PCDHGA8: variants seen among roughly 807,000 people sequenced by gnomAD.
The protein encoded by PCDHGA8 is protocadherin gamma subfamily A, 8.
PCDHGA8 carries 45 observed loss-of-function variants against 59.2 expected under a neutral mutation model. The observed-to-expected ratio is 0.76, with a 90% CI of 0.60 to 0.98. The LOEUF (loss-of-function observed/expected upper bound fraction) is 0.98, where lower values mean the gene tolerates loss of function less well. Among genes scored for constraint, PCDHGA8 ranks in the 50% least tolerant of loss-of-function variants. The pLI is 0.00. For missense variants in PCDHGA8, 1,257 were observed against 1,196.2 expected, an observed-to-expected ratio of 1.05 and a Z score of -0.75; for synonymous variants, 531 against 519.0, an observed-to-expected ratio of 1.02 and a Z score of -0.32.
Position 141,393,910 on chromosome 5 carries a change from T to C in PCDHGA8, c.1097T>C (p.Ile366Thr). ...GAAAATTCTCTTCCCGGGACAGTAA[T>C]TGCCTTCTTGAGTGTGCATGACCAA... ...VLENSLPGTVIAFLSVHDQDS... is the reference protein window; with the variant it reads ...VLENSLPGTVTAFLSVHDQDS... Residue 366 changes from isoleucine (I) to threonine (T), a missense_variant, in exon 1 of 4, where the codon ATT becomes ACT. Coordinates refer to ENST00000398604, the MANE Select transcript of PCDHGA8 (RefSeq NM_032088.2). 6.2e-7 allele frequency: 1 copy of C among 1,613,998 alleles called. No homozygotes were observed. The highest frequency in any genetic ancestry group is 1.7e-5 in the Admixed American group (1 of 60,024).
rs750164473 is a variant in PCDHGA8 at position 141,432,286 on chromosome 5, C to G, written c.2424+37049C>G. Reference sequence around the variant, plus strand: ...TATCGTCCTACGTGTCCATCAACTCCGACACTGGGGTACTGTATGCGCTGA... The same window carrying G: ...TATCGTCCTACGTGTCCATCAACTCGGACACTGGGGTACTGTATGCGCTGA... On this transcript the variant is annotated intron_variant, in intron 1 of 3. Transcript: ENST00000398604. This position sits in a 1 kb window ranked among gnomAD's most constrained non-coding sequence, Gnocchi z 6.0. The G allele has an allele frequency of 6.2e-7, 1 of 1,614,252 alleles. No homozygotes were observed. The highest frequency in any genetic ancestry group is 1.3e-5 in the African/African-American group (1 of 75,070).
intron 1 of PCDHGA8, chr5:141,441,971 G>A: frequency 3.3e-6 from 1 of 298,820 alleles, no homozygotes; most frequent in Non-Finnish European, 6.5e-6. Flanking sequence ...AGGCTCTTCA[G>A]CCTGGAATGC....
In PCDHGA8 at chr5:141,395,222, AG is replaced by A. The variant is rs2093199234; in HGVS notation, c.2410del (p.Ala804LeufsTer48). The A allele has an allele frequency of 6.2e-7, 1 of 1,611,488 alleles. No individual in the cohort carries two copies. The highest frequency in any genetic ancestry group is 1.3e-5 in the African/African-American group (1 of 74,874). ...SVDFHEYKNE[A>X]DHGQQAPPNT... ...TAGATTTTCATGAATATAAGAATGA[AG>A]CTGATCATGGTCAGGTGAGTTTAGT... On this transcript the variant is annotated frameshift_variant, in exon 1 of 4. Transcript: ENST00000398604. LOFTEE classifies it high-confidence loss of function.
chr5:141,410,155 G>T, intron 1 of PCDHGA8: 1 of 1,612,898 alleles, frequency 6.2e-7, no homozygotes. Context: ...ACGGTGGACA[G>T]CCGCCACTCT....
At chr5:141,415,205 C>A (rs2095843771) in intron 1 of PCDHGA8, 2 of 1,614,040 alleles carry the variant, frequency 1.2e-6, no homozygotes, top group Non-Finnish European at 1.7e-6. Context: ...CAAGTCCTGG[C>A]GGACCTCGGC....
chr5:141,400,221 C>G (rs377228541), intron 1 of PCDHGA8: 1 of 1,614,060 alleles, frequency 6.2e-7, no homozygotes, highest in Non-Finnish European at 8.5e-7. Flanking sequence ...TCTCAGTGCT[C>G]TTCCTCCTGG....
At chr5:141,407,214 G>C (rs1230787104) in intron 1 of PCDHGA8, among the ~76,000 whole-genome samples, 2 of 152,146 alleles carry the variant, frequency 1.3e-5, no homozygotes, top group South Asian at 2.1e-4. Context: ...TCCCCCTTAA[G>C]TGGGTAGCAA....
intron 1 of PCDHGA8, chr5:141,414,815 G>T (rs1437985019): frequency 2.2e-5 from 35 of 1,614,236 alleles, no homozygotes; most frequent in Non-Finnish European, 2.9e-5. Flanking sequence ...CCTCCACTCA[G>T]CAGCAACGTG....
intron 1 of PCDHGA8, chr5:141,419,030 C>G (rs1178461733): frequency 5.0e-6 from 8 of 1,613,768 alleles, no homozygotes; most frequent in Non-Finnish European, 6.8e-6. Context: ...TAGAGGTGTT[C>G]CATTTAAGAT....
In PCDHGA8 at chr5:141,511,035, C is replaced by T. The variant is rs373005862; in HGVS notation, c.2661C>T (p.His887=). Residue 887 remains histidine (H), a synonymous_variant, in exon 4 of 4, where the codon CAC becomes CAT. Transcript: ENST00000398604. ...ACGGACCCCAGTTCACCCTGCAGCA[C>T]GTGCCCGACTACCGCCAGAATGTCT... ...ARYGPQFTLQ[H]VPDYRQNVYI... The T allele has an allele frequency of 1.7e-5, 27 of 1,614,208 alleles. No individual in the cohort carries two copies. The African/African-American group carries it at 2.9e-4, about 18-fold the overall frequency.
chr5:141,413,737 A>AC, intron 1 of PCDHGA8: 1 of 1,613,410 alleles, frequency 6.2e-7, no homozygotes, highest in Non-Finnish European at 8.5e-7. Flanking sequence ...AAGAGTTCAG[A>AC]GCCGTGCCAA....
chr5:141,506,896 T>C (rs1417106112), intron 3 of PCDHGA8, among the ~76,000 whole-genome samples: 3 of 152,158 alleles, frequency 2.0e-5, no homozygotes, highest in African/African-American at 7.2e-5. Flanking sequence ...CAAGAAGCAC[T>C]GTCATCACAC....
At chr5:141,423,757 G>C (rs562479446) in intron 1 of PCDHGA8, 29 of 395,138 alleles carry the variant, frequency 7.3e-5, no homozygotes, top group African/African-American at 6.1e-4. Flanking sequence ...GTTTGGGGGG[G>C]GGGTGGGGCG....
At position 141,470,884 on chromosome 5, in the gene PCDHGA8, G is replaced by T. The variant is rs2099243316; in HGVS notation, c.2425-23923G>T. 3.3e-5 allele frequency among the ~76,000 whole-genome samples: 5 copies of T among 151,648 alleles called. No individual in the cohort carries two copies. In the South Asian group the frequency reaches 1.0e-3, roughly 32 times the overall value. On this transcript the variant is annotated intron_variant, in intron 1 of 3. Coordinates refer to ENST00000398604, the MANE Select transcript of PCDHGA8 (RefSeq NM_032088.2). ...TTTGTTTGTTTGTTTTTTTGTTTTT[G>T]TTTTTGTTTTTTGTAGAGATGGGAC...
At chr5:141,478,603 A>C (rs116528962) in intron 1 of PCDHGA8, 173 of 1,563,096 alleles carry the variant, frequency 1.1e-4, no homozygotes, top group Non-Finnish European at 1.4e-4. Context: ...CCTACATCAT[A>C]TTGAGGAAGG....
chr5:141,393,959 T>G lies in PCDHGA8; in HGVS notation c.1146T>G (p.Val382=). The G allele has an allele frequency of 6.2e-7, 1 of 1,613,970 alleles. No individual in the cohort carries two copies. The highest frequency in any genetic ancestry group is 8.5e-7 in the Non-Finnish European group (1 of 1,179,878). The part of the protein sequence containing the change: ...HDQDSGKNGQ[V]VCYTRDNLPF... ...AAGACTCTGGAAAGAATGGTCAAGT[T>G]GTCTGTTACACACGTGATAATTTAC... The change falls in exon 1 of 4, where the codon GTT becomes GTG. Residue 382 remains valine (V), a synonymous_variant. Transcript: ENST00000398604.
intron 1 of PCDHGA8, chr5:141,441,780 C>A: frequency 2.6e-6 from 1 of 391,236 alleles, no homozygotes. Flanking sequence ...GGTGGACGAC[C>A]TGAATGACAA....
At chr5:141,408,301 C>G in intron 1 of PCDHGA8, 1 of 1,613,756 alleles carries the variant, frequency 6.2e-7, no homozygotes, top group Non-Finnish European at 8.5e-7. Context: ...GTGAGCCGAT[C>G]CGCTACTCGA....
chr5:141,444,947 C>G (rs2098452252), intron 1 of PCDHGA8, among the ~76,000 whole-genome samples: 1 of 152,054 alleles, frequency 6.6e-6, no homozygotes, highest in Non-Finnish European at 1.5e-5. Context: ...GGAGGAGGAT[C>G]ATCTTAACAA....
Sources: gnomAD v4.1 joint callset for allele counts (sites outside exome capture counted in the v4.1 genomes callset) on GRCh38, gnomAD v4.1.1 for gene constraint, Gnocchi (gnomAD v3.1) non-coding constraint, MANE v1.5 for transcripts, NCBI Gene and HGNC (gene_info 2026-07-23, HGNC 2026-07-21) for gene names.